The following TMOD1 variants were observed in gnomAD, a reference collection of about 807,000 sequenced individuals.
TMOD1 encodes tropomodulin-1.
In TMOD1, 17 loss-of-function variants were observed where a neutral mutation model predicts 40.6. The ratio of observed to expected loss-of-function variants is 0.42; its 90% confidence interval spans 0.29 to 0.63. TMOD1 has a LOEUF of 0.63. Ranked by LOEUF, TMOD1 falls within the 20% of genes least tolerant of loss-of-function variation. The probability of loss-of-function intolerance (pLI) is 0.22; values close to 1 mark genes in which losing one functional copy is unlikely to be tolerated. For synonymous variants in TMOD1, 181 were observed against 175.0 expected, an observed-to-expected ratio of 1.03 and a Z score of -0.27; for missense variants, 391 against 447.6, an observed-to-expected ratio of 0.87 and a Z score of 1.14.
chr9:97,565,673 C>A (rs1830715636), intron 6 of TMOD1, among the ~76,000 whole-genome samples, 175 bp from the exon 7 acceptor site: 1 of 152,188 alleles, frequency 6.6e-6, no homozygotes, highest in Non-Finnish European at 1.5e-5. Flanking sequence ...AATCTGTTTA[C>A]CAGAAAGTTC....
intron 1 of TMOD1, among the ~76,000 whole-genome samples, chr9:97,512,544 T>C (rs1016594088): frequency 3.3e-5 from 5 of 152,032 alleles, no homozygotes; most frequent in African/African-American, 1.2e-4. Context: ...TTATGGTATA[T>C]TTCAGATAAT....
chr9:97,566,854 C>T (rs571312655), intron 7 of TMOD1, among the ~76,000 whole-genome samples: 14 of 152,086 alleles, frequency 9.2e-5, no homozygotes, highest in African/African-American at 3.1e-4. Flanking sequence ...TATTGAGAGT[C>T]TCTCTGTGCC....
chr9:97,601,428 C>G lies in TMOD1; in HGVS notation c.*1730C>G. On this transcript the variant is annotated 3_prime_UTR_variant, in exon 10 of 10. Transcript: ENST00000259365. Reference sequence around the variant, plus strand: ...CAAATGTCACCGAGCTTATATGAAGCTCCCAGAGAGAACATTTAAAAGCTC... The same window carrying G: ...CAAATGTCACCGAGCTTATATGAAGGTCCCAGAGAGAACATTTAAAAGCTC... 1 of 1,027,574 alleles carries G rather than the reference C, an allele frequency of 9.7e-7. No individual in the cohort carries two copies. The highest frequency in any genetic ancestry group is 1.2e-6 in the Non-Finnish European group (1 of 854,422). The allele number at this position is 1,027,574 out of a possible 1,614,324, so 63.7% of individuals were successfully genotyped here. A position where few individuals can be genotyped will look rare whatever the true frequency, so the allele number is the denominator to read the frequency against.
In TMOD1 at chr9:97,600,567, C is replaced by CT. The variant is rs1433734220; in HGVS notation, c.*870dup. 6 of 986,234 alleles carry CT rather than the reference C, an allele frequency of 6.1e-6. No individual in the cohort carries two copies. Among genetic ancestry groups the CT allele is most frequent in the Non-Finnish European group, 7.2e-6 (6 of 830,658 alleles). 61.1% of individuals were successfully genotyped at this position (986,234 alleles called of 1,614,324 possible). On this transcript the variant is annotated 3_prime_UTR_variant, in exon 10 of 10. Transcript: ENST00000259365. ...CAAATGGCTTATGTGAGGTAAGACA[C>CT]TAGAGGGATAAATTTCCAGATCAAC... is the stretch of plus-strand genomic sequence containing the variant.
chr9:97,530,243 A>G (rs929828699), intron 2 of TMOD1, among the ~76,000 whole-genome samples: 1 of 152,212 alleles, frequency 6.6e-6, no homozygotes, highest in Non-Finnish European at 1.5e-5. Flanking sequence ...GTAAATATTG[A>G]TTGTTAATGA....
Position 97,601,086 on chromosome 9 carries a change from A to G in TMOD1, c.*1388A>G. 2.3e-6 allele frequency: 3 copies of G among 1,304,324 alleles called. No homozygotes were observed. The highest frequency in any genetic ancestry group is 2.1e-4 in the Middle Eastern group (1 of 4,698). 80.8% of individuals were successfully genotyped at this position (1,304,324 alleles called of 1,614,324 possible). On this transcript the variant is annotated 3_prime_UTR_variant, in exon 10 of 10. Transcript: ENST00000259365. Reference sequence around the variant, plus strand: ...GTACAGGGTAACTGGAGGCGGGGCCAGGGCCTCAGCGCTATGGAAGAGTGT... The same window carrying G: ...GTACAGGGTAACTGGAGGCGGGGCCGGGGCCTCAGCGCTATGGAAGAGTGT...
At chr9:97,562,868 C>T (rs1830662424) in intron 5 of TMOD1, 47 bp downstream of exon 5, 1 of 1,449,052 alleles carries the variant, frequency 6.9e-7, no homozygotes, top group Non-Finnish European at 9.4e-7. Context: ...TTCTTGCTTC[C>T]TCCACTCACT....
intron 8 of TMOD1, among the ~76,000 whole-genome samples, chr9:97,580,811 C>G (rs866661833): frequency 1.6e-4 from 24 of 152,188 alleles, no homozygotes; most frequent in Middle Eastern, 6.8e-3. Flanking sequence ...TCACTTGTCT[C>G]TTCCTTCTGC....
At chr9:97,512,221 C>T (rs1829715313) in intron 1 of TMOD1, among the ~76,000 whole-genome samples, 1 of 152,200 alleles carries the variant, frequency 6.6e-6, no homozygotes, top group African/African-American at 2.4e-5. Flanking sequence ...CAATGAGTTC[C>T]CACTACCTGC....
At chr9:97,563,925 G>A (rs1204552472) in intron 5 of TMOD1, 113 bp from the exon 6 acceptor site, 1 of 1,182,284 alleles carries the variant, frequency 8.5e-7, no homozygotes, top group Admixed American at 2.4e-5. Flanking sequence ...CCTGTGATGT[G>A]CAGCCCTCAC....
chr9:97,504,191 T>C (rs1034219343), intron 1 of TMOD1, among the ~76,000 whole-genome samples: 2 of 152,216 alleles, frequency 1.3e-5, no homozygotes, highest in African/African-American at 4.8e-5. Flanking sequence ...TCATAGGGGC[T>C]GCTTGTGAGA....
chr9:97,555,120 G>A (rs1563989139), intron 4 of TMOD1, among the ~76,000 whole-genome samples: 1 of 152,202 alleles, frequency 6.6e-6, no homozygotes, highest in South Asian at 2.1e-4. Flanking sequence ...CAGCTGGGAA[G>A]GTAGCACTTA....
intron 3 of TMOD1, among the ~76,000 whole-genome samples, chr9:97,549,273 A>G (rs7871765): frequency 6.6e-6 from 1 of 152,116 alleles, no homozygotes; most frequent in Non-Finnish European, 1.5e-5. Flanking sequence ...CCAGCTTTTC[A>G]TTCTGCCACC....
chr9:97,591,534 C>T (rs1271503932), intron 9 of TMOD1, 99 bp downstream of exon 9: 53 of 1,366,482 alleles, frequency 3.9e-5, no homozygotes, highest in Non-Finnish European at 3.6e-5. Flanking sequence ...CTCTCCGAGT[C>T]TTCTTGAGCC....
At chr9:97,521,578 G>A (rs1052440124) in intron 1 of TMOD1, among the ~76,000 whole-genome samples, 8 of 152,120 alleles carry the variant, frequency 5.3e-5, no homozygotes, top group Admixed American at 5.2e-4. Flanking sequence ...TTTTTTCGTC[G>A]ATACCAGAGC....
chr9:97,559,456 C>T (rs1051631286), intron 4 of TMOD1, among the ~76,000 whole-genome samples: 29 of 151,450 alleles, frequency 1.9e-4, no homozygotes, highest in African/African-American at 6.3e-4. Flanking sequence ...AACAGAATCA[C>T]CTGAGGAGGT....
chr9:97,569,163 A>C (rs1052290333), intron 8 of TMOD1, 126 bp downstream of exon 8: 5 of 1,235,982 alleles, frequency 4.0e-6, no homozygotes, highest in Non-Finnish European at 5.6e-6. Flanking sequence ...GCTTTGAGGG[A>C]CCTCCAAGGT....
chr9:97,570,906 G>A (rs1830807849), intron 8 of TMOD1, among the ~76,000 whole-genome samples: 1 of 152,228 alleles, frequency 6.6e-6, no homozygotes. Flanking sequence ...AGTCACATGA[G>A]CTGGCAGCAG....
intron 8 of TMOD1, among the ~76,000 whole-genome samples, chr9:97,577,259 C>G (rs1424793526): frequency 1.3e-5 from 2 of 149,514 alleles, no homozygotes; most frequent in Non-Finnish European, 2.9e-5. Context: ...GTGGACACTT[C>G]TAATGGTCAG....
Sources: allele counts gnomAD v4.1 joint callset (sites outside exome capture counted in the v4.1 genomes callset), GRCh38; gene constraint gnomAD v4.1.1; transcripts MANE v1.5; gene names NCBI Gene and HGNC (gene_info 2026-07-23, HGNC 2026-07-21).